Variants in EPYC observed in about 807,000 individuals in gnomAD.
EPYC encodes dermatan sulfate proteoglycan 3.
In EPYC, 28 loss-of-function variants were observed where a neutral mutation model predicts 30.1. The ratio of observed to expected loss-of-function variants is 0.93; its 90% CI spans 0.69 to 1.28. The LOEUF is 1.28. Ranked by LOEUF, EPYC falls within the 50% of genes most tolerant of loss-of-function variation. The pLI, the probability that EPYC is intolerant of heterozygous loss-of-function variation, is 0.00. For synonymous variants in EPYC, 144 were observed against 141.4 expected, an observed-to-expected ratio of 1.02 and a Z score of -0.13; for missense variants, 382 against 383.5, an observed-to-expected ratio of 1.00 and a Z score of 0.03.
At position 90,978,107 on chromosome 12, in the gene EPYC, C is replaced by G; in HGVS notation, c.321G>C (p.Leu107=). Residue 107 remains leucine, a synonymous_variant, in exon 3 of 7, where the codon CTG becomes CTC. Transcript: ENST00000261172. The part of the protein sequence containing the change: ...SPQEPEFTGV[L]GPHTNEDFPT... ...CCTGACCTTCATTTGTGTGTGGCCC[C>G]AGAACCCCTGTGAATTCAGGCTCCT... is the stretch of plus-strand genomic sequence containing the variant. 1 of 1,582,144 alleles carries G rather than the reference C, an allele frequency of 6.3e-7. No homozygotes were observed. The highest frequency in any genetic ancestry group is 8.6e-7 in the Non-Finnish European group (1 of 1,168,616).
intron 2 of EPYC, among the ~76,000 whole-genome samples, chr12:90,993,005 G>A (rs1168518607): frequency 3.0e-5 from 1 of 33,076 alleles, no homozygotes; most frequent in Non-Finnish European, 6.8e-5. Context: ...ACAGACCAGA[G>A]TCAAGGGACA....
chr12:90,994,315 TTACTTGCATTTATTAAACATTTGCTATG>T (rs1877651600), intron 2 of EPYC, among the ~76,000 whole-genome samples: 1 of 152,186 alleles, frequency 6.6e-6, no homozygotes, highest in South Asian at 2.1e-4. Flanking sequence ...AATGGTAAAG[TTACTTGCATTTATTAAACATTTGCTATG>T]TACCAGGTTC....
intron 2 of EPYC, among the ~76,000 whole-genome samples, chr12:91,001,993 C>T (rs932737576): frequency 2.0e-5 from 3 of 151,736 alleles, no homozygotes; most frequent in Admixed American, 1.3e-4. Context: ...TCAAGACCAT[C>T]CTGGCCAACA....
chr12:90,983,176 T>C (rs1326337627), intron 2 of EPYC, among the ~76,000 whole-genome samples: 1 of 152,150 alleles, frequency 6.6e-6, no homozygotes, highest in Admixed American at 6.5e-5. Context: ...AGCCATGTAG[T>C]CAATGTGAGG....
intron 2 of EPYC, among the ~76,000 whole-genome samples, chr12:90,982,268 G>T (rs1877341213): frequency 6.6e-6 from 1 of 151,416 alleles, no homozygotes; most frequent in Non-Finnish European, 1.5e-5. Context: ...AGTAAGAATG[G>T]AATCTTTTAA....
intron 2 of EPYC, among the ~76,000 whole-genome samples, chr12:90,982,647 T>C (rs1163246927): frequency 6.6e-6 from 1 of 152,168 alleles, no homozygotes; most frequent in Admixed American, 6.6e-5. Context: ...TTCCCTCTTC[T>C]GCCTAACTAC....
At chr12:91,002,020 C>T (rs528503087) in intron 2 of EPYC, among the ~76,000 whole-genome samples, 1 of 151,548 alleles carries the variant, frequency 6.6e-6, no homozygotes, top group Non-Finnish European at 1.5e-5. Context: ...AATCCCATCT[C>T]TACTAAAAAT....
At chr12:90,985,997 C>T (rs1592628368) in intron 2 of EPYC, among the ~76,000 whole-genome samples, 1 of 152,150 alleles carries the variant, frequency 6.6e-6, no homozygotes, top group African/African-American at 2.4e-5. Flanking sequence ...GTATTTCTCC[C>T]ACCTCCTTAT....
intron 2 of EPYC, 56 bp from the exon 3 acceptor site, chr12:90,978,318 G>A (rs1458231499): frequency 6.6e-7 from 1 of 1,510,600 alleles, no homozygotes; most frequent in Non-Finnish European, 8.8e-7. Flanking sequence ...GTCACTCTGT[G>A]TGGCAGTGAC....
At chr12:90,997,781 A>G (rs192758198) in intron 2 of EPYC, among the ~76,000 whole-genome samples, 1 of 152,218 alleles carries the variant, frequency 6.6e-6, no homozygotes, top group Non-Finnish European at 1.5e-5. Context: ...TAATAATTAG[A>G]TAACAGAGTC....
chr12:90,991,384 G>A (rs751247017), intron 2 of EPYC, among the ~76,000 whole-genome samples: 19 of 152,164 alleles, frequency 1.2e-4, no homozygotes, highest in Admixed American at 2.6e-4. Context: ...ACAATAACAA[G>A]TGAAGTCCCA....
rs1021506660 is a variant in EPYC at position 90,970,113 on chromosome 12, G to A, written c.729C>T (p.Tyr243=). ...TGTGGTCCAAGTTGTTATCAGTGAG[G>A]TACAGATGATGGAGATCATACATGT... ...FKDMYDLHHL[Y]LTDNNLDHIP... Residue 243 remains tyrosine, a synonymous_variant, in exon 6 of 7, where the codon TAC becomes TAT. Transcript: ENST00000261172. 1.2e-6 allele frequency: 2 copies of A among 1,613,678 alleles called. No homozygotes were observed. The highest frequency in any genetic ancestry group is 1.7e-4 in the Middle Eastern group (1 of 6,054).
chr12:90,998,329 T>C (rs1325956899), intron 2 of EPYC, among the ~76,000 whole-genome samples: 1 of 152,074 alleles, frequency 6.6e-6, no homozygotes, highest in Non-Finnish European at 1.5e-5. Context: ...GTCACACCAA[T>C]AAATGTACTT....
At chr12:90,984,249 G>A (rs551174553) in intron 2 of EPYC, among the ~76,000 whole-genome samples, 14 of 152,094 alleles carry the variant, frequency 9.2e-5, no homozygotes, top group African/African-American at 1.9e-4. Context: ...AGGAAAACTG[G>A]TGTTTCTGCT....
chr12:90,978,877 A>T (rs1365207876), intron 2 of EPYC, among the ~76,000 whole-genome samples: 1 of 152,204 alleles, frequency 6.6e-6, no homozygotes, highest in Admixed American at 6.6e-5. Context: ...TGATTGTGAT[A>T]TGCCATTTCT....
At chr12:90,987,079 G>A (rs879450395) in intron 2 of EPYC, among the ~76,000 whole-genome samples, 1 of 152,068 alleles carries the variant, frequency 6.6e-6, no homozygotes, top group Non-Finnish European at 1.5e-5. Context: ...AATGGTTAAA[G>A]TTGCATGAGA....
At chr12:90,972,033 A>G (rs1877064676) in intron 4 of EPYC, 31 bp from the exon 5 acceptor site, 1 of 1,309,532 alleles carries the variant, frequency 7.6e-7, no homozygotes, top group Admixed American at 2.5e-5. Context: ...AAGTAATTAA[A>G]TATTCTTGTT....
chr12:90,984,784 A>G lies in EPYC; in HGVS notation c.166-6522T>C, dbSNP rs143569948. On this transcript the variant is annotated intron_variant, in intron 2 of 6. Coordinates refer to ENST00000261172, the MANE Select transcript of EPYC (RefSeq NM_004950.5). ...CCTCCACCCAGAAGGAAACAAGCAA[A>G]GAAATCTCCAGGGGACCACAAAAAC... 2.9e-3 allele frequency among the ~76,000 whole-genome samples: 446 copies of G among 152,178 alleles called. 14 individuals carry two copies. The East Asian group carries it at 0.067, about 23-fold the overall frequency.
intron 2 of EPYC, 94 bp downstream of exon 2, chr12:91,002,307 A>C: frequency 2.8e-6 from 3 of 1,075,090 alleles, no homozygotes. Context: ...CTTTCTACTT[A>C]TAAAAAAACC....
Sources: gnomAD v4.1 joint callset for allele counts (sites outside exome capture counted in the v4.1 genomes callset) on GRCh38, gnomAD v4.1.1 for gene constraint, MANE v1.5 for transcripts, NCBI Gene and HGNC (gene_info 2026-07-23, HGNC 2026-07-21) for gene names.